The following LRMDA variants were observed in gnomAD, a reference collection of about 807,000 sequenced individuals.
LRMDA encodes leucine rich melanocyte differentiation associated, also known as leucine-rich melanocyte differentiation-associated protein.
A neutral mutation model predicts 29.8 loss-of-function variants in LRMDA; 18 were observed. The ratio of observed to expected loss-of-function variants is 0.60; its 90% CI spans 0.42 to 0.90. LRMDA has a LOEUF of 0.90. Among genes scored for constraint, LRMDA ranks in the 40% least tolerant of loss-of-function variants. The pLI, the probability that LRMDA is intolerant of heterozygous loss-of-function variation, is 0.00. For missense variants in LRMDA, 273 were observed against 273.9 expected (o/e 1.00, Z 0.02); for synonymous variants, 125 against 109.4 (o/e 1.14, Z -0.89).
intron 2 of LRMDA, among the ~76,000 whole-genome samples, chr10:75,891,514 A>G (rs57613968): frequency 0.089 from 13,544 of 152,222 alleles, 1,839 homozygotes; most frequent in African/African-American, 0.29. Context: ...TGAGAAGGTC[A>G]TTGTGGTGAG....
chr10:75,711,538 T>C (rs1454985032), intron 2 of LRMDA, among the ~76,000 whole-genome samples: 1 of 152,198 alleles, frequency 6.6e-6, no homozygotes, highest in Non-Finnish European at 1.5e-5. Flanking sequence ...TAAATAGTTT[T>C]ACTAATTTTA....
At chr10:75,978,375 G>A (rs751398543) in intron 2 of LRMDA, among the ~76,000 whole-genome samples, 6 of 152,142 alleles carry the variant, frequency 3.9e-5, no homozygotes, top group Admixed American at 6.5e-5. Flanking sequence ...CATTCTGTGC[G>A]CATTCCTCCC....
rs138795138 is a variant in LRMDA, at chr10:75,614,180, C to G, written c.131+175686C>G. ...TCTCACTCTTCCCTCTCTTACTTTC[C>G]TCTAGCACCATCCTTTTCTGGCCAT... On this transcript the variant is annotated intron_variant, in intron 2 of 6. Coordinates refer to ENST00000611255, the MANE Select transcript of LRMDA (RefSeq NM_001305581.2). Among the ~76,000 whole-genome samples the G allele has an allele frequency of 1.4e-3, 206 of 152,286 alleles. 1 individual carries two copies. Among genetic ancestry groups the G allele is most frequent in the African/African-American group, 4.4e-3 (183 of 41,556 alleles).
At chr10:76,350,439 G>A (rs957943033) in intron 6 of LRMDA, among the ~76,000 whole-genome samples, 7 of 150,590 alleles carry the variant, frequency 4.6e-5, no homozygotes, top group African/African-American at 1.7e-4. Flanking sequence ...TATGGGGACC[G>A]ATTTTTTTTT....
chr10:75,447,992 C>T (rs1469002753), intron 2 of LRMDA, among the ~76,000 whole-genome samples: 1 of 152,148 alleles, frequency 6.6e-6, no homozygotes, highest in African/African-American at 2.4e-5. Context: ...TCCCTCCTCC[C>T]TAAGGCTTCC....
At chr10:76,036,187 C>T in intron 3 of LRMDA, 53 bp downstream of exon 3, 2 of 1,486,398 alleles carry the variant, frequency 1.3e-6, no homozygotes, top group Admixed American at 3.9e-5. Context: ...CCACAGTCGT[C>T]CCCCAACCCC....
chr10:76,131,538 T>C (rs1202829254), intron 5 of LRMDA, among the ~76,000 whole-genome samples: 1 of 152,258 alleles, frequency 6.6e-6, no homozygotes, highest in African/African-American at 2.4e-5. Flanking sequence ...TGATGCATAT[T>C]GCAAAATTGC....
At chr10:75,585,764 C>T (rs1840648283) in intron 2 of LRMDA, among the ~76,000 whole-genome samples, 1 of 152,176 alleles carries the variant, frequency 6.6e-6, no homozygotes. Flanking sequence ...TGTTGTGCAG[C>T]AGATCTCTAG....
At chr10:75,963,355 A>C (rs1846801187) in intron 2 of LRMDA, among the ~76,000 whole-genome samples, 1 of 152,234 alleles carries the variant, frequency 6.6e-6, no homozygotes, top group Non-Finnish European at 1.5e-5. Context: ...GTTATAGGAC[A>C]AAGCTGTACA....
intron 5 of LRMDA, among the ~76,000 whole-genome samples, chr10:76,305,427 T>G (rs1334910587): frequency 6.6e-6 from 1 of 152,194 alleles, no homozygotes; most frequent in East Asian, 1.9e-4. Flanking sequence ...TTCCTCTTTC[T>G]TTCTTTCATG....
intron 6 of LRMDA, among the ~76,000 whole-genome samples, chr10:76,545,252 C>G (rs1002490616): frequency 2.0e-5 from 3 of 149,374 alleles, no homozygotes; most frequent in Admixed American, 1.3e-4. Flanking sequence ...CAGTGACTCT[C>G]TTGAGAAATT....
intron 2 of LRMDA, among the ~76,000 whole-genome samples, chr10:75,874,740 C>T (rs1205747794): frequency 6.6e-6 from 1 of 152,126 alleles, no homozygotes; most frequent in Admixed American, 6.5e-5. Context: ...ATCAAAGCCA[C>T]CCAGTGAGCT....
chr10:75,608,403 G>A (rs1434483419), intron 2 of LRMDA, among the ~76,000 whole-genome samples: 1 of 151,974 alleles, frequency 6.6e-6, no homozygotes, highest in African/African-American at 2.4e-5. Flanking sequence ...AAGTTCTGGA[G>A]ACCTAAATGT....
At chr10:76,454,528 T>C (rs1249085128) in intron 6 of LRMDA, among the ~76,000 whole-genome samples, 1 of 152,158 alleles carries the variant, frequency 6.6e-6, no homozygotes, top group Admixed American at 6.5e-5. Context: ...CACATGTTCC[T>C]TTAAACATAA....
intron 2 of LRMDA, among the ~76,000 whole-genome samples, chr10:75,609,720 T>C (rs1343896203): frequency 6.6e-6 from 1 of 152,184 alleles, no homozygotes; most frequent in East Asian, 1.9e-4. Flanking sequence ...GTCTTGCAAT[T>C]ACAGAGCATG....
intron 6 of LRMDA, among the ~76,000 whole-genome samples, chr10:76,466,141 A>G (rs1361808211): frequency 6.6e-6 from 1 of 152,196 alleles, no homozygotes; most frequent in Non-Finnish European, 1.5e-5. Context: ...AATTGCAAGA[A>G]GCAACTACCA....
At chr10:76,405,758 C>T (rs1841896074) in intron 6 of LRMDA, among the ~76,000 whole-genome samples, 1 of 152,156 alleles carries the variant, frequency 6.6e-6, no homozygotes, top group Admixed American at 6.5e-5. Flanking sequence ...TGTTTTAATT[C>T]TGGAGGATTA....
intron 6 of LRMDA, among the ~76,000 whole-genome samples, chr10:76,413,479 A>C (rs1841984207): frequency 6.6e-6 from 1 of 152,166 alleles, no homozygotes; most frequent in African/African-American, 2.4e-5. Flanking sequence ...ATCCCTTACA[A>C]AACCATCAGA....
intron 2 of LRMDA, among the ~76,000 whole-genome samples, chr10:75,861,568 TTC>T (rs1158931144): frequency 2.6e-5 from 4 of 151,892 alleles, no homozygotes; most frequent in African/African-American, 9.7e-5. Context: ...GCTTCTCTTT[TTC>T]TCTTTCCCTA....
Sources: allele counts gnomAD v4.1 joint callset (sites outside exome capture counted in the v4.1 genomes callset), GRCh38; gene constraint gnomAD v4.1.1; transcripts MANE v1.5; gene names NCBI Gene and HGNC (gene_info 2026-07-23, HGNC 2026-07-21).